MAP4K5: variants seen among roughly 807,000 people sequenced by gnomAD.
The protein encoded by MAP4K5 is mitogen-activated protein kinase kinase kinase kinase 5.
In MAP4K5, 82 loss-of-function variants were observed where a neutral mutation model predicts 135.6. That is an observed-to-expected ratio of 0.60 (90% CI 0.51 to 0.73). MAP4K5 has a LOEUF of 0.73. MAP4K5 is among the 30% of genes least tolerant of loss of function. The pLI is 0.00. For missense variants in MAP4K5, 907 were observed against 1,010.9 expected, an observed-to-expected ratio of 0.90 and a Z score of 1.39; for synonymous variants, 347 against 335.0, an observed-to-expected ratio of 1.04 and a Z score of -0.39.
Position 50,485,616 on chromosome 14 carries a change from TC to T in MAP4K5, c.283del (p.Glu95AsnfsTer23). On this transcript the variant is annotated frameshift_variant, in exon 5 of 33. Transcript: ENST00000682126. LOFTEE classifies it high-confidence loss of function. The part of the protein sequence containing the change: ...LSREKLWICM[E>X]YCGGGSLQDI... The stretch of plus-strand genomic sequence containing the variant: ...TTGAAGTGATCCGCCACCACAGTAT[TC>T]CATACAAATCCATAGTTTTTCCCGA... 6.5e-7 allele frequency: 1 copy of T among 1,549,352 alleles called. No individual in the cohort carries two copies. Among genetic ancestry groups the T allele is most frequent in the Non-Finnish European group, 8.7e-7 (1 of 1,143,902 alleles).
chr14:50,429,317 AT>A, intron 28 of MAP4K5, 57 bp from the exon 29 acceptor site: 1 of 1,009,866 alleles, frequency 9.9e-7, no homozygotes, highest in Non-Finnish European at 1.5e-6. Flanking sequence ...AGCCTAGAAA[AT>A]AAACATAAAT....
At chr14:50,543,980 C>A (rs778371075) in intron 1 of MAP4K5, among the ~76,000 whole-genome samples, 14 of 152,172 alleles carry the variant, frequency 9.2e-5, no homozygotes, top group Non-Finnish European at 1.6e-4. Context: ...ACTAAATCAA[C>A]AGTTAGAGAA....
At chr14:50,459,090 G>C (rs1270917621) in intron 13 of MAP4K5, among the ~76,000 whole-genome samples, 1 of 152,162 alleles carries the variant, frequency 6.6e-6, no homozygotes, top group Non-Finnish European at 1.5e-5. Context: ...TGGGATTACA[G>C]GCATTAGCCA....
intron 32 of MAP4K5, 106 bp downstream of exon 32, chr14:50,423,015 T>C (rs2035767321): frequency 3.8e-6 from 2 of 523,854 alleles, no homozygotes; most frequent in Non-Finnish European, 6.9e-6. Flanking sequence ...TCTAAGTCAA[T>C]GAGCTTCTAA....
At chr14:50,490,989 AC>A (rs2037471708) in intron 3 of MAP4K5, among the ~76,000 whole-genome samples, 1 of 152,180 alleles carries the variant, frequency 6.6e-6, no homozygotes, top group Non-Finnish European at 1.5e-5. Context: ...CTGGGGATGA[AC>A]TGGAGTAAGT....
chr14:50,507,553 G>T (rs542646443), intron 2 of MAP4K5, among the ~76,000 whole-genome samples: 1 of 152,212 alleles, frequency 6.6e-6, no homozygotes, highest in South Asian at 2.1e-4. Flanking sequence ...TTGTGTCTTT[G>T]TTCTCATTGG....
At chr14:50,442,874 G>T in intron 20 of MAP4K5, 58 bp from the exon 21 acceptor site, 1 of 956,988 alleles carries the variant, frequency 1.0e-6, no homozygotes, top group Non-Finnish European at 1.6e-6. Context: ...ATATATTCTT[G>T]GAAAATAACT....
At chr14:50,462,983 TA>T (rs1299133620) in intron 12 of MAP4K5, among the ~76,000 whole-genome samples, 1 of 152,160 alleles carries the variant, frequency 6.6e-6, no homozygotes, top group Non-Finnish European at 1.5e-5. Flanking sequence ...CTTTGTAGGG[TA>T]AATTTAGAAA....
chr14:50,455,819 T>C (rs2036584170), intron 14 of MAP4K5, among the ~76,000 whole-genome samples: 1 of 152,116 alleles, frequency 6.6e-6, no homozygotes, highest in African/African-American at 2.4e-5. Context: ...GAACAAGTAT[T>C]CATTTAAGGC....
intron 5 of MAP4K5, chr14:50,483,153 T>C (rs2037288500): frequency 1.3e-5 from 2 of 152,234 alleles, no homozygotes; most frequent in African/African-American, 4.8e-5. Context: ...CATATACTTT[T>C]TTATAGATCA....
intron 3 of MAP4K5, among the ~76,000 whole-genome samples, chr14:50,496,491 T>C (rs756458212): frequency 6.6e-6 from 1 of 152,050 alleles, no homozygotes; most frequent in Non-Finnish European, 1.5e-5. Flanking sequence ...CACACACACA[T>C]ATATTATTAT....
At chr14:50,486,669 G>A (rs990459051) in intron 3 of MAP4K5, among the ~76,000 whole-genome samples, 24 of 152,064 alleles carry the variant, frequency 1.6e-4, no homozygotes, top group African/African-American at 5.6e-4. Flanking sequence ...GGTGGCTCAC[G>A]CCTGTAATTC....
intron 1 of MAP4K5, among the ~76,000 whole-genome samples, chr14:50,543,508 C>G (rs550771205): frequency 6.6e-6 from 1 of 152,252 alleles, no homozygotes; most frequent in Admixed American, 6.5e-5. Flanking sequence ...TATCTTTGAG[C>G]AAGAAAGTAA....
At chr14:50,553,543 A>T (rs1353923995) in intron 1 of MAP4K5, among the ~76,000 whole-genome samples, 2 of 152,168 alleles carry the variant, frequency 1.3e-5, no homozygotes, top group African/African-American at 4.8e-5. Context: ...AACAGTATGG[A>T]TACCCCTTAA....
At chr14:50,483,437 A>G (rs2037295690) in intron 5 of MAP4K5, among the ~76,000 whole-genome samples, 1 of 152,122 alleles carries the variant, frequency 6.6e-6, no homozygotes, top group Non-Finnish European at 1.5e-5. Context: ...AGAAATTTCT[A>G]CCGCGTATTT....
In MAP4K5 at chr14:50,476,288, T is replaced by C. The variant is rs1313873673; in HGVS notation, c.397A>G (p.Thr133Ala). 1 of 1,475,820 alleles carries C rather than the reference T, an allele frequency of 6.8e-7. No homozygotes were observed. Among genetic ancestry groups the C allele is most frequent in the Non-Finnish European group, 9.0e-7 (1 of 1,109,022 alleles). The allele number at this position is 1,475,820 out of a possible 1,614,324, so 91.4% of individuals were successfully genotyped here. Residue 133 changes from threonine (T) to alanine (A), a missense_variant, in exon 7 of 33, where the codon ACT (threonine) becomes GCT (alanine). By Grantham distance (58) the Thr-to-Ala change is moderately conservative. Transcript: ENST00000682126. Reference sequence around the variant, plus strand: ...ATATCTCTATGCATTTTGCCTTTAGTATGCAAATAGGCAAGACCCTAAAAG... The same window carrying C: ...ATATCTCTATGCATTTTGCCTTTAGCATGCAAATAGGCAAGACCCTAAAAG... The part of the protein sequence containing the change: ...ETLQGLAYLH[T>A]KGKMHRDIKG...
chr14:50,477,687 T>C (rs975222140), intron 6 of MAP4K5, among the ~76,000 whole-genome samples: 3 of 152,176 alleles, frequency 2.0e-5, no homozygotes, highest in African/African-American at 7.2e-5. Context: ...TTATCAGGAA[T>C]GAATGTTGGA....
Position 50,464,074 on chromosome 14 carries a change from G to A in MAP4K5, c.797C>T (p.Pro266Leu). 6.5e-7 allele frequency: 1 copy of A among 1,546,474 alleles called. No homozygotes were observed. The change falls in exon 12 of 33, where the codon CCA becomes CTA. Residue 266 changes from proline (P) to leucine (L), a missense_variant. By Grantham distance (98) the Pro-to-Leu change is moderately conservative. This residue lies in a region of MAP4K5 where 690 missense variants were observed against 777.4 expected (regional missense o/e 0.89). Coordinates refer to ENST00000682126, the MANE Select transcript of MAP4K5 (RefSeq NM_006575.6). ...TACAGTCAGAAGTCTTTCAGCAGTT[G>A]GTCTTTTTTTTGGGTTTTTGGTTAG... ...IALTKNPKKR[P>L]TAERLLTHTF...
intron 2 of MAP4K5, among the ~76,000 whole-genome samples, chr14:50,516,903 A>G (rs1181747622): frequency 6.6e-6 from 1 of 152,192 alleles, no homozygotes; most frequent in Non-Finnish European, 1.5e-5. Flanking sequence ...GAAAGTCAGG[A>G]GGCCTAAGCT....
Sources: gnomAD v4.1 joint callset for allele counts (sites outside exome capture counted in the v4.1 genomes callset) on GRCh38, gnomAD v4.1.1 for gene constraint, gnomAD v4.1.1 regional missense constraint, MANE v1.5 for transcripts, NCBI Gene and HGNC (gene_info 2026-07-23, HGNC 2026-07-21) for gene names.